IL1RAPL1: variants seen among roughly 807,000 people sequenced by gnomAD.
IL1RAPL1 encodes interleukin-1 receptor accessory protein-like 1.
In IL1RAPL1, 3 loss-of-function variants were observed where a neutral mutation model predicts 48.4. The ratio of observed to expected loss-of-function variants is 0.06; its 90% confidence interval spans 0.03 to 0.16. The LOEUF is 0.16. Ranked by LOEUF, IL1RAPL1 falls within the 10% of genes least tolerant of loss-of-function variation. The pLI is 1.00. For missense variants in IL1RAPL1, 349 were observed against 530.6 expected, an observed-to-expected ratio of 0.66 and a Z score of 3.36; for synonymous variants, 185 against 187.7, an observed-to-expected ratio of 0.99 and a Z score of 0.12.
intron 2 of IL1RAPL1, among the ~76,000 whole-genome samples, chrX:29,276,717 T>C (rs1276377562): frequency 9.0e-6 from 1 of 111,289 alleles, no homozygotes; most frequent in African/African-American, 3.3e-5. Context: ...GGTCTTGCTA[T>C]GTTGCCCAGA....
chrX:29,228,479 C>G (rs994309622), intron 2 of IL1RAPL1, among the ~76,000 whole-genome samples: 6 of 106,240 alleles, frequency 5.6e-5, no homozygotes, highest in African/African-American at 1.0e-4. Flanking sequence ...CTCAGCCTCC[C>G]GAGTAGCTGG....
At chrX:28,777,756 A>G (rs1051656500) in intron 1 of IL1RAPL1, among the ~76,000 whole-genome samples, 3 of 110,956 alleles carry the variant, frequency 2.7e-5, no homozygotes, top group Non-Finnish European at 3.8e-5. Context: ...GGTACCAGCC[A>G]TGCCCCAGAT....
chrX:29,328,642 T>TATATATAG (rs1349588059), intron 3 of IL1RAPL1, among the ~76,000 whole-genome samples: 13 of 103,998 alleles, frequency 1.3e-4, no homozygotes, highest in African/African-American at 4.2e-4. Flanking sequence ...TATATATATA[T>TATATATAG]AGAGAGAGAG....
At chrX:29,776,141 G>A (rs1241430892) in intron 6 of IL1RAPL1, among the ~76,000 whole-genome samples, 1 of 111,515 alleles carries the variant, frequency 9.0e-6, no homozygotes, top group African/African-American at 3.3e-5. Context: ...AACCTATTCA[G>A]TGACACAGCC....
intron 2 of IL1RAPL1, among the ~76,000 whole-genome samples, chrX:28,931,104 G>A (rs1171170874): frequency 9.0e-6 from 1 of 111,499 alleles, no homozygotes; most frequent in African/African-American, 3.3e-5. Flanking sequence ...TACTTAGATT[G>A]TTTAAATTTG....
At chrX:29,512,880 T>A (rs1365082439) in intron 5 of IL1RAPL1, among the ~76,000 whole-genome samples, 1 of 112,112 alleles carries the variant, frequency 8.9e-6, no homozygotes, top group Non-Finnish European at 1.9e-5. Flanking sequence ...AGTCTTATGA[T>A]CTCTGAATGG....
intron 2 of IL1RAPL1, among the ~76,000 whole-genome samples, chrX:29,063,328 C>T (rs1055501125): frequency 9.0e-6 from 1 of 111,280 alleles, no homozygotes; most frequent in Non-Finnish European, 1.9e-5. Flanking sequence ...AAGCATTTTA[C>T]CAACCTTTGT....
intron 9 of IL1RAPL1, among the ~76,000 whole-genome samples, chrX:29,948,764 A>T (rs944277433): frequency 9.1e-6 from 1 of 109,678 alleles, no homozygotes. Flanking sequence ...TCATTTTAGG[A>T]ATCCATTTAC....
At chrX:29,713,256 G>A (rs771513119) in intron 6 of IL1RAPL1, among the ~76,000 whole-genome samples, 1 of 111,603 alleles carries the variant, frequency 9.0e-6, no homozygotes, top group Non-Finnish European at 1.9e-5. Context: ...GAGTAACTTC[G>A]TAATAATTAA....
chrX:29,795,796 C>T (rs778736082), intron 6 of IL1RAPL1, among the ~76,000 whole-genome samples: 1 of 112,761 alleles, frequency 8.9e-6, no homozygotes, highest in Non-Finnish European at 1.9e-5. Context: ...CAAGTCTGAA[C>T]TCAAACTGGG....
intron 2 of IL1RAPL1, among the ~76,000 whole-genome samples, chrX:29,204,073 ACAC>A (rs887729799): frequency 2.7e-5 from 3 of 111,178 alleles, no homozygotes; most frequent in Admixed American, 9.6e-5. Context: ...TTGTGTATAT[ACAC>A]CACATTTTCT....
intron 3 of IL1RAPL1, among the ~76,000 whole-genome samples, chrX:29,345,025 G>A (rs1813016563): frequency 8.9e-6 from 1 of 112,754 alleles, no homozygotes; most frequent in Non-Finnish European, 1.9e-5. Flanking sequence ...TTAACTGACA[G>A]AGTATTTCAC....
At chrX:29,354,911 C>T (rs185303979) in intron 3 of IL1RAPL1, among the ~76,000 whole-genome samples, 1 of 111,543 alleles carries the variant, frequency 9.0e-6, no homozygotes, top group African/African-American at 3.2e-5. Context: ...TGGGTGATAC[C>T]CAAGGAAATG....
At chrX:29,464,883 G>A (rs994312917) in intron 5 of IL1RAPL1, among the ~76,000 whole-genome samples, 15 of 111,239 alleles carry the variant, frequency 1.3e-4, no homozygotes, top group African/African-American at 4.9e-4. Context: ...AAACCTTGAG[G>A]ACATATGGAT....
At chrX:29,871,652 A>T (rs974324100) in intron 6 of IL1RAPL1, among the ~76,000 whole-genome samples, 3 of 112,282 alleles carry the variant, frequency 2.7e-5, no homozygotes, top group Admixed American at 1.9e-4. Flanking sequence ...AATTGGAGTG[A>T]ATGGATTTCT....
At chrX:29,802,226 A>G (rs1601828722) in intron 6 of IL1RAPL1, among the ~76,000 whole-genome samples, 1 of 112,084 alleles carries the variant, frequency 8.9e-6, no homozygotes, top group South Asian at 3.7e-4. Flanking sequence ...TTATCAGAGG[A>G]AAACTGTGAT....
intron 2 of IL1RAPL1, among the ~76,000 whole-genome samples, chrX:29,153,364 C>T (rs1260028372): frequency 9.0e-6 from 1 of 111,650 alleles, no homozygotes; most frequent in Non-Finnish European, 1.9e-5. Context: ...GAGATTAGGA[C>T]ACAGATGTCT....
At chrX:28,955,107 C>A (rs1246027999) in intron 2 of IL1RAPL1, among the ~76,000 whole-genome samples, 4 of 111,271 alleles carry the variant, frequency 3.6e-5, no homozygotes, top group Admixed American at 2.9e-4. Flanking sequence ...TTGATTGGGG[C>A]TCTGGGTGCA....
In IL1RAPL1 at chrX:29,649,649, A is replaced by G. The variant is rs781109804; in HGVS notation, c.704-18781A>G. Reference sequence around the variant, plus strand: ...CATATGTGACAAACCTACAGCTAACATCATGCTGAATGGGGAAAAGTTGTA... The same window carrying G: ...CATATGTGACAAACCTACAGCTAACGTCATGCTGAATGGGGAAAAGTTGTA... On this transcript the variant is annotated intron_variant, in intron 5 of 10. Transcript: ENST00000378993. 3.8e-3 allele frequency among the ~76,000 whole-genome samples: 427 copies of G among 111,925 alleles called. 1 individual carries two copies. Among genetic ancestry groups the G allele is most frequent in the Non-Finnish European group, 6.6e-3 (348 of 52,975 alleles).
Sources: gnomAD v4.1 joint callset for allele counts (sites outside exome capture counted in the v4.1 genomes callset) on GRCh38, gnomAD v4.1.1 for gene constraint, MANE v1.5 for transcripts, NCBI Gene and HGNC (gene_info 2026-07-23, HGNC 2026-07-21) for gene names.